Variants in RABGAP1 observed in about 807,000 individuals in gnomAD.
RABGAP1 encodes RAB GTPase activating protein 1, also known as rab GTPase-activating protein 1.
Under a neutral mutation model 137.6 loss-of-function variants are expected in RABGAP1, and 23 were observed. The observed-to-expected ratio is 0.17, with a 90% confidence interval of 0.12 to 0.24. The LOEUF is 0.24. RABGAP1 is among the 10% of genes least tolerant of loss of function. The pLI is 1.00. For missense variants in RABGAP1, 906 were observed against 1,275.8 expected (o/e 0.71, Z 4.42); for synonymous variants, 451 against 450.7 (o/e 1.00, Z -0.01).
chr9:123,065,483 A>G (rs2034139203), intron 14 of RABGAP1, 22 bp downstream of exon 14: 3 of 1,508,622 alleles, frequency 2.0e-6, no homozygotes, highest in Non-Finnish European at 2.8e-6. Flanking sequence ...CAAAAAAAAA[A>G]AGGACTCAAT....
At chr9:122,984,431 C>T in intron 2 of RABGAP1, 54 bp from the exon 3 acceptor site, 1 of 1,441,042 alleles carries the variant, frequency 6.9e-7, no homozygotes, top group Non-Finnish European at 9.6e-7. Flanking sequence ...CCATTTTAAT[C>T]AATACTGGCC....
intron 1 of RABGAP1, among the ~76,000 whole-genome samples, chr9:122,945,147 C>CTTTTCTTTTTTTTTTTTTTTTTTT (rs1833873274): frequency 1.3e-5 from 1 of 75,770 alleles, no homozygotes; most frequent in Non-Finnish European, 2.9e-5. Flanking sequence ...ATAGCTGTTG[C>CTTTTCTTTTTTTTTTTTTTTTTTT]TTTTTTTTTT....
At chr9:123,064,358 T>C (rs187153631) in intron 13 of RABGAP1, among the ~76,000 whole-genome samples, 11 of 152,222 alleles carry the variant, frequency 7.2e-5, no homozygotes, top group Admixed American at 1.3e-4. Context: ...GTTTACTGTT[T>C]AAGAAGGAGC....
At chr9:123,077,051 G>GA (rs34434518) in intron 19 of RABGAP1, 116,516 of 153,556 alleles carry the variant, frequency 0.76, 46,119 homozygotes, top group Middle Eastern at 0.9. Context: ...TCCCTGTTTT[G>GA]AGACAAATCA....
chr9:122,986,613 G>A (rs1031128130), intron 4 of RABGAP1, among the ~76,000 whole-genome samples, 194 bp downstream of exon 4: 2 of 152,058 alleles, frequency 1.3e-5, no homozygotes, highest in Admixed American at 6.6e-5. Flanking sequence ...ATAGTTTTTC[G>A]TACTCTTCCC....
intron 10 of RABGAP1, among the ~76,000 whole-genome samples, chr9:123,006,550 C>T (rs1208607758): frequency 1.3e-5 from 2 of 152,144 alleles, no homozygotes; most frequent in African/African-American, 2.4e-5. Flanking sequence ...TATTTATATT[C>T]TGTTCCTCTG....
At chr9:123,047,837 G>A (rs1014731987) in intron 13 of RABGAP1, among the ~76,000 whole-genome samples, 2 of 149,276 alleles carry the variant, frequency 1.3e-5, no homozygotes, top group Admixed American at 1.3e-4. Context: ...TACATGACTG[G>A]TATCATTCAA....
At chr9:123,053,226 C>T (rs966529176) in intron 13 of RABGAP1, among the ~76,000 whole-genome samples, 1 of 152,118 alleles carries the variant, frequency 6.6e-6, no homozygotes, top group Non-Finnish European at 1.5e-5. Flanking sequence ...ATAACATTTC[C>T]AGATTTTGCA....
Position 123,070,247 on chromosome 9 carries a change from G to C in RABGAP1, c.1909-103G>C. On this transcript the variant is annotated intron_variant, in intron 14 of 25. Coordinates refer to ENST00000373647, the MANE Select transcript of RABGAP1 (RefSeq NM_012197.4). The surrounding 1 kb of genome is among the most constrained non-coding windows in gnomAD (Gnocchi z 4.4). The stretch of plus-strand genomic sequence containing the variant: ...GTCTGTCAAAATGCTGTCCCAGTGT[G>C]GGTAGCATCCTCCAGGGTTCTGTAT... 1 of 1,551,514 alleles carries C rather than the reference G, an allele frequency of 6.4e-7. No individual in the cohort carries two copies. Among genetic ancestry groups the C allele is most frequent in the Non-Finnish European group, 8.7e-7 (1 of 1,150,876 alleles).
At chr9:122,963,069 G>A (rs1186794327) in intron 2 of RABGAP1, among the ~76,000 whole-genome samples, 1 of 152,070 alleles carries the variant, frequency 6.6e-6, no homozygotes, top group African/African-American at 2.4e-5. Flanking sequence ...GCACCAAAAT[G>A]CATGAAGCAA....
intron 1 of RABGAP1, among the ~76,000 whole-genome samples, chr9:122,952,106 G>A (rs1183497877): frequency 6.6e-6 from 1 of 152,122 alleles, no homozygotes; most frequent in African/African-American, 2.4e-5. Context: ...GAACTTTTAG[G>A]TGTGATGGAA....
chr9:122,933,969 T>C, the RABGAP1 span, among the ~76,000 whole-genome samples: 3 of 152,142 alleles, frequency 2.0e-5, no homozygotes, highest in Admixed American at 2.0e-4. Flanking sequence ...CGCCTTGCTA[T>C]GTTCCTCAGG....
intron 4 of RABGAP1, among the ~76,000 whole-genome samples, chr9:122,988,082 A>AT (rs1836459717): frequency 6.6e-6 from 1 of 152,208 alleles, no homozygotes. Context: ...ATGATAAACT[A>AT]TTAATAAAAT....
chr9:123,103,015 G>T (rs1222343706), intron 25 of RABGAP1, 76 bp from the exon 26 acceptor site: 1 of 1,543,034 alleles, frequency 6.5e-7, no homozygotes, highest in Non-Finnish European at 8.7e-7. Context: ...CTGCATTCTT[G>T]TCTTGGTTCT....
At chr9:122,941,901 G>A (rs1025249810) in intron 1 of RABGAP1, among the ~76,000 whole-genome samples, 3 of 152,152 alleles carry the variant, frequency 2.0e-5, no homozygotes, top group Non-Finnish European at 2.9e-5. Flanking sequence ...ATTCTTTTTT[G>A]GAAACAAATG....
intron 2 of RABGAP1, among the ~76,000 whole-genome samples, chr9:122,961,416 T>A (rs1336724516): frequency 6.6e-6 from 1 of 152,232 alleles, no homozygotes; most frequent in African/African-American, 2.4e-5. Context: ...AACAATTCTA[T>A]GTCCAGCAAA....
At chr9:122,992,694 ATTAT>A (rs1201321572) in intron 6 of RABGAP1, among the ~76,000 whole-genome samples, 1 of 148,418 alleles carries the variant, frequency 6.7e-6, no homozygotes, top group African/African-American at 2.4e-5. Context: ...GTTAATATAT[ATTAT>A]TTAGGTATAA....
intron 13 of RABGAP1, among the ~76,000 whole-genome samples, chr9:123,022,444 C>G (rs1222878652): frequency 6.6e-6 from 1 of 152,160 alleles, no homozygotes; most frequent in African/African-American, 2.4e-5. Flanking sequence ...CTCTGTCACC[C>G]TGGCTAGAGT....
chr9:122,972,427 G>GT (rs1835517439), intron 2 of RABGAP1, among the ~76,000 whole-genome samples: 1 of 152,182 alleles, frequency 6.6e-6, no homozygotes, highest in Admixed American at 6.5e-5. Flanking sequence ...CTGGACTTGA[G>GT]TAGGATGGCT....
Sources: allele counts gnomAD v4.1 joint callset (sites outside exome capture counted in the v4.1 genomes callset), GRCh38; gene constraint gnomAD v4.1.1; non-coding constraint Gnocchi (gnomAD v3.1); transcripts MANE v1.5; gene names NCBI Gene and HGNC (gene_info 2026-07-23, HGNC 2026-07-21).